The following UPRT variants were observed in gnomAD, a reference collection of about 807,000 sequenced individuals.
UPRT encodes RP11-311P8.3.
A neutral mutation model predicts 22.6 loss-of-function variants in UPRT; 5 were observed. The observed-to-expected ratio is 0.22, with a 90% CI of 0.12 to 0.47. The LOEUF (loss-of-function observed/expected upper bound fraction) is 0.47. UPRT is among the 20% of genes least tolerant of loss of function. The pLI, the probability that UPRT is intolerant of heterozygous loss-of-function variation, is 0.99. For synonymous variants in UPRT, 77 were observed against 87.7 expected (o/e 0.88, Z 0.68); for missense variants, 181 against 239.9 (o/e 0.75, Z 1.62).
intron 4 of UPRT, among the ~76,000 whole-genome samples, chrX:75,172,831 G>A (rs1375493250): frequency 9.0e-6 from 1 of 111,146 alleles, no homozygotes; most frequent in African/African-American, 3.3e-5. Context: ...GCAGATTTTC[G>A]CAGTGAGTGT....
chrX:75,216,401 C>T (rs1201421371), intron 4 of UPRT, among the ~76,000 whole-genome samples: 1 of 112,391 alleles, frequency 8.9e-6, no homozygotes, highest in African/African-American at 3.2e-5. Context: ...CAGTTAACAT[C>T]ATACTTACCA....
chrX:75,163,343 C>T (rs2082205099), intron 3 of UPRT, among the ~76,000 whole-genome samples: 1 of 111,912 alleles, frequency 8.9e-6, no homozygotes, highest in South Asian at 3.8e-4. Flanking sequence ...TTAGATAAGA[C>T]CCACCCAAGA....
intron 4 of UPRT, among the ~76,000 whole-genome samples, chrX:75,190,962 C>T (rs1457658118): frequency 1.8e-5 from 2 of 111,500 alleles, no homozygotes; most frequent in Non-Finnish European, 3.8e-5. Context: ...TGTCTGATGC[C>T]TTCTTCTCTC....
intron 4 of UPRT, among the ~76,000 whole-genome samples, chrX:75,203,727 C>T (rs1214894434): frequency 9.0e-6 from 1 of 111,257 alleles, no homozygotes; most frequent in Non-Finnish European, 1.9e-5. Flanking sequence ...CATGATGAGG[C>T]TGTTCTGGCC....
At chrX:75,278,865 T>C (rs1460113773) in intron 1 of UPRT, among the ~76,000 whole-genome samples, 2 of 111,299 alleles carry the variant, frequency 1.8e-5, no homozygotes, top group Non-Finnish European at 3.8e-5. Context: ...GGGGAGAAAA[T>C]TATCCTTAGG....
At chrX:75,285,720 G>C (rs1207570373) in intron 1 of UPRT, among the ~76,000 whole-genome samples, 37 of 110,674 alleles carry the variant, frequency 3.3e-4, no homozygotes, top group Non-Finnish European at 3.8e-5. Flanking sequence ...TATTTTGAAT[G>C]TTCACATTGA....
chrX:75,232,725 C>A (rs2082443253), intron 4 of UPRT, among the ~76,000 whole-genome samples: 1 of 112,097 alleles, frequency 8.9e-6, no homozygotes, highest in Non-Finnish European at 1.9e-5. Flanking sequence ...AGCTGAGAGT[C>A]CTGTCTGTTA....
chrX:75,230,383 C>T (rs1160486157), intron 4 of UPRT, among the ~76,000 whole-genome samples: 4 of 111,076 alleles, frequency 3.6e-5, no homozygotes, highest in Non-Finnish European at 3.8e-5. Context: ...TGGCCCCACC[C>T]ATCAACAAAA....
chrX:75,252,690 G>T (rs1000235710), intron 4 of UPRT, among the ~76,000 whole-genome samples: 1 of 111,742 alleles, frequency 8.9e-6, no homozygotes, highest in Non-Finnish European at 1.9e-5. Flanking sequence ...TCCCATTACT[G>T]GGTATATACC....
intron 4 of UPRT, among the ~76,000 whole-genome samples, chrX:75,203,508 A>T (rs867225602): frequency 9.9e-6 from 1 of 101,164 alleles, no homozygotes; most frequent in African/African-American, 4.2e-5. Flanking sequence ...ACACACACAC[A>T]CACACACTCA....
chrX:75,194,283 A>T (rs1384487506), intron 4 of UPRT, among the ~76,000 whole-genome samples: 1 of 111,753 alleles, frequency 8.9e-6, no homozygotes, highest in African/African-American at 3.3e-5. Flanking sequence ...AGTGGGTATC[A>T]TGCCCCTGGC....
intron 1 of UPRT, among the ~76,000 whole-genome samples, chrX:75,288,920 A>T (rs997958447): frequency 8.9e-6 from 1 of 111,960 alleles, no homozygotes; most frequent in African/African-American, 3.2e-5. Context: ...GGAAAATATG[A>T]TTCTATACAT....
At chrX:75,280,732 T>C (rs1331313230) in intron 1 of UPRT, among the ~76,000 whole-genome samples, 1 of 111,701 alleles carries the variant, frequency 9.0e-6, no homozygotes, top group African/African-American at 3.3e-5. Flanking sequence ...TCTTTCTGCT[T>C]AGTCTTGCTT....
intron 4 of UPRT, among the ~76,000 whole-genome samples, chrX:75,210,366 A>T (rs1156697697): frequency 9.0e-6 from 1 of 111,083 alleles, no homozygotes; most frequent in Non-Finnish European, 1.9e-5. Context: ...TATAAGATTG[A>T]GTGACATACA....
intron 4 of UPRT, among the ~76,000 whole-genome samples, chrX:75,265,505 T>C (rs1262977713): frequency 8.9e-6 from 1 of 112,434 alleles, no homozygotes; most frequent in African/African-American, 3.2e-5. Flanking sequence ...GTCACGTAGT[T>C]CTTGTGCTGT....
At chrX:75,205,230 C>A (rs981243311) in intron 4 of UPRT, among the ~76,000 whole-genome samples, 41 of 107,959 alleles carry the variant, frequency 3.8e-4, no homozygotes, top group Middle Eastern at 4.9e-3. Context: ...ATTAGCCGGG[C>A]GCGGTGGCGG....
At chrX:75,280,887 C>A (rs1001620272) in intron 1 of UPRT, among the ~76,000 whole-genome samples, 1 of 111,521 alleles carries the variant, frequency 9.0e-6, no homozygotes, top group Non-Finnish European at 1.9e-5. Flanking sequence ...ACAATATTGA[C>A]TCTACCCATC....
intron 4 of UPRT, among the ~76,000 whole-genome samples, chrX:75,234,695 A>G (rs1293833648): frequency 9.0e-6 from 1 of 111,459 alleles, no homozygotes; most frequent in Non-Finnish European, 1.9e-5. Flanking sequence ...TACTGGGTAC[A>G]TAACGAAATG....
chrX:75,192,726 G>A (rs2082319806), intron 4 of UPRT, among the ~76,000 whole-genome samples: 1 of 111,669 alleles, frequency 9.0e-6, no homozygotes, highest in Non-Finnish European at 1.9e-5. Flanking sequence ...ACCCTTCCTT[G>A]TCTTTTTTGG....
Sources: allele counts gnomAD v4.1 joint callset (sites outside exome capture counted in the v4.1 genomes callset), GRCh38; gene constraint gnomAD v4.1.1; transcripts MANE v1.5; gene names NCBI Gene and HGNC (gene_info 2026-07-23, HGNC 2026-07-21).